GPC5: variants seen among roughly 807,000 people sequenced by gnomAD.
GPC5 encodes the protein glypican 5.
GPC5 carries 47 observed loss-of-function variants against 53.9 expected under a neutral mutation model. That is an observed-to-expected ratio of 0.87 (90% confidence interval 0.69 to 1.11). GPC5 has a LOEUF of 1.11. Ranked by LOEUF, GPC5 falls within the 50% of genes most tolerant of loss-of-function variation. The pLI is 0.00. For synonymous variants in GPC5, 286 were observed against 263.3 expected (o/e 1.09, Z -0.84); for missense variants, 748 against 713.1 (o/e 1.05, Z -0.56).
chr13:92,727,746 C>T (rs1395934560), intron 7 of GPC5, among the ~76,000 whole-genome samples: 1 of 151,394 alleles, frequency 6.6e-6, no homozygotes, highest in Non-Finnish European at 1.5e-5. Context: ...ATTCTGCTGA[C>T]TCTCCATTCA....
intron 2 of GPC5, among the ~76,000 whole-genome samples, chr13:91,523,473 C>T (rs1033221572): frequency 1.2e-4 from 19 of 152,090 alleles, no homozygotes; most frequent in Non-Finnish European, 1.8e-4. Flanking sequence ...TAAGCCACCA[C>T]GGAGAGACAA....
At chr13:92,620,291 G>A (rs575066923) in intron 7 of GPC5, among the ~76,000 whole-genome samples, 13 of 151,806 alleles carry the variant, frequency 8.6e-5, no homozygotes, top group Non-Finnish European at 1.5e-4. Flanking sequence ...AATTAAAGAG[G>A]CAAAAAACAA....
intron 7 of GPC5, among the ~76,000 whole-genome samples, chr13:92,291,961 C>T (rs528351286): frequency 1.6e-4 from 24 of 152,250 alleles, no homozygotes; most frequent in African/African-American, 5.1e-4. Flanking sequence ...ACTCCGGACA[C>T]GCTGCCTTTA....
intron 7 of GPC5, among the ~76,000 whole-genome samples, chr13:92,674,108 C>T (rs1482956052): frequency 1.3e-5 from 2 of 152,092 alleles, no homozygotes; most frequent in South Asian, 2.1e-4. Context: ...TTTGATTGGC[C>T]GTGTAACTTT....
chr13:92,368,651 A>C (rs914444306), intron 7 of GPC5, among the ~76,000 whole-genome samples: 3 of 151,464 alleles, frequency 2.0e-5, no homozygotes, highest in East Asian at 3.9e-4. Flanking sequence ...AAAAAAAAAA[A>C]AAAAAAAAAC....
intron 3 of GPC5, among the ~76,000 whole-genome samples, chr13:91,706,695 A>G (rs1350708544): frequency 6.6e-6 from 1 of 152,150 alleles, no homozygotes; most frequent in African/African-American, 2.4e-5. Context: ...GTAGGGGAGA[A>G]ATCATTAAAT....
At position 92,307,568 on chromosome 13, in the gene GPC5, G is replaced by A. The variant is rs1465226601; in HGVS notation, c.1561+162579G>A. ...TATATTTTTTCTTTACATTCCTAAA[G>A]TTGGCTATTCTTATCTGAAATTAGG... On this transcript the variant is annotated intron_variant, in intron 7 of 7. Transcript: ENST00000377067. Among the ~76,000 whole-genome samples, 8 of 152,296 alleles carry A rather than the reference G, an allele frequency of 5.3e-5. No homozygotes were observed. In the East Asian group the frequency reaches 1.5e-3, roughly 29 times the overall value.
At chr13:92,684,899 T>C (rs1178084502) in intron 7 of GPC5, among the ~76,000 whole-genome samples, 1 of 152,152 alleles carries the variant, frequency 6.6e-6, no homozygotes, top group Non-Finnish European at 1.5e-5. Flanking sequence ...TTACCAGCAC[T>C]CAGTAGTATT....
intron 7 of GPC5, among the ~76,000 whole-genome samples, chr13:92,330,564 C>T (rs1260801877): frequency 6.6e-6 from 1 of 152,166 alleles, no homozygotes; most frequent in East Asian, 1.9e-4. Context: ...GTTTCCCTGA[C>T]CTGGCAAGAG....
At chr13:91,460,746 G>A (rs1248046146) in intron 2 of GPC5, among the ~76,000 whole-genome samples, 1 of 151,460 alleles carries the variant, frequency 6.6e-6, no homozygotes, top group Non-Finnish European at 1.5e-5. Context: ...ATGTAGAAGT[G>A]TTCTTAATAT....
At chr13:91,420,230 C>G (rs888739472) in intron 1 of GPC5, among the ~76,000 whole-genome samples, 8 of 151,564 alleles carry the variant, frequency 5.3e-5, no homozygotes, top group Admixed American at 4.6e-4. Flanking sequence ...AGTGAGCTTT[C>G]ATACTTGTGG....
intron 5 of GPC5, among the ~76,000 whole-genome samples, chr13:91,847,036 A>G (rs4572247): frequency 0.5 from 75,394 of 151,312 alleles, 19,181 homozygotes; most frequent in East Asian, 0.73. Context: ...TGGCTAACAC[A>G]GTGAAACCCC....
chr13:92,305,157 C>T (rs948539382), intron 7 of GPC5, among the ~76,000 whole-genome samples: 1 of 152,156 alleles, frequency 6.6e-6, no homozygotes, highest in Admixed American at 6.5e-5. Context: ...CAGAAACAGT[C>T]ATCAAATCTG....
At chr13:91,802,960 A>T (rs529766615) in intron 5 of GPC5, among the ~76,000 whole-genome samples, 23 of 152,314 alleles carry the variant, frequency 1.5e-4, no homozygotes, top group Middle Eastern at 3.4e-3. Flanking sequence ...TAATTAACAC[A>T]AAAGTAAGAG....
chr13:92,458,433 G>A (rs1391345469), intron 7 of GPC5, among the ~76,000 whole-genome samples: 5 of 151,858 alleles, frequency 3.3e-5, no homozygotes, highest in Admixed American at 2.0e-4. Flanking sequence ...CAAATAGCTG[G>A]GATTACAGGG....
At chr13:92,028,612 C>T (rs970755489) in intron 6 of GPC5, among the ~76,000 whole-genome samples, 2 of 152,098 alleles carry the variant, frequency 1.3e-5, no homozygotes, top group South Asian at 2.1e-4. Flanking sequence ...TTCAGCCTAA[C>T]GTTTACTTCA....
intron 2 of GPC5, among the ~76,000 whole-genome samples, chr13:91,503,147 C>A (rs529472129): frequency 6.6e-6 from 1 of 152,022 alleles, no homozygotes; most frequent in East Asian, 1.9e-4. Flanking sequence ...CAGTACAGCA[C>A]AGAGAGAAAG....
At chr13:91,886,688 CA>C (rs2039326055) in intron 5 of GPC5, among the ~76,000 whole-genome samples, 2 of 152,196 alleles carry the variant, frequency 1.3e-5, no homozygotes, top group Admixed American at 1.3e-4. Flanking sequence ...GAAGGGGCTA[CA>C]GGCTCCATGC....
At chr13:92,141,338 G>T (rs2041829138) in intron 6 of GPC5, among the ~76,000 whole-genome samples, 1 of 152,170 alleles carries the variant, frequency 6.6e-6, no homozygotes, top group Admixed American at 6.5e-5. Context: ...CACGAATCGG[G>T]TGGGATCCTG....
Sources: allele counts gnomAD v4.1 joint callset (sites outside exome capture counted in the v4.1 genomes callset), GRCh38; gene constraint gnomAD v4.1.1; transcripts MANE v1.5; gene names NCBI Gene and HGNC (gene_info 2026-07-23, HGNC 2026-07-21).